The following RPS6KA2 variants were observed in gnomAD, a reference collection of about 807,000 sequenced individuals.
The protein encoded by RPS6KA2 is ribosomal protein S6 kinase alpha-2.
In RPS6KA2, 42 loss-of-function variants were observed where a neutral mutation model predicts 91.8. The ratio of observed to expected loss-of-function variants is 0.46; its 90% CI spans 0.36 to 0.59. The LOEUF (loss-of-function observed/expected upper bound fraction) is 0.59, where lower values mean the gene tolerates loss of function less well. Among genes scored for constraint, RPS6KA2 ranks in the 20% least tolerant of loss-of-function variants. RPS6KA2 has a pLI of 0.00. For synonymous variants in RPS6KA2, 414 were observed against 393.6 expected (o/e 1.05, Z -0.61); for missense variants, 798 against 978.5 (o/e 0.82, Z 2.46).
At chr6:166,789,720 T>C (rs1411027166) in intron 2 of RPS6KA2, among the ~76,000 whole-genome samples, 2 of 152,232 alleles carry the variant, frequency 1.3e-5, no homozygotes, top group Non-Finnish European at 2.9e-5. Flanking sequence ...TCCGCTGTTC[T>C]GCAGCCACCA....
rs1784392495 is a variant in RPS6KA2, at chr6:166,563,161, T to G, written c.100-24377A>C. Among the ~76,000 whole-genome samples, 1 of 152,108 alleles carries G rather than the reference T, an allele frequency of 6.6e-6. No homozygotes were observed. Among genetic ancestry groups the G allele is most frequent in the Non-Finnish European group, 1.5e-5 (1 of 67,994 alleles). On this transcript the variant is annotated intron_variant, in intron 1 of 20. Transcript: ENST00000265678. The surrounding 1 kb of genome is among the most constrained non-coding windows in gnomAD (Gnocchi z 4.1). ...GGGTGGGAGTGGACGAAGTTTATTC[T>G]GGAGACAACAAGGGGTCCTGGTGGC...
chr6:166,716,717 C>T (rs553419660), intron 2 of RPS6KA2, among the ~76,000 whole-genome samples: 18 of 152,164 alleles, frequency 1.2e-4, no homozygotes, highest in Non-Finnish European at 2.2e-4. Flanking sequence ...TTATATACCT[C>T]ACAACCTAAA....
rs1333136151 is a variant in RPS6KA2, at chr6:166,508,115, G to A, written c.459+88C>T. The A allele has an allele frequency of 4.2e-5, 34 of 813,176 alleles. No individual in the cohort carries two copies. The highest frequency in any genetic ancestry group is 2.1e-4 in the Admixed American group (10 of 47,550). The allele number at this position is 813,176 out of a possible 1,614,324, so 50.4% of individuals were successfully genotyped here. A position where few individuals can be genotyped will look rare whatever the true frequency, so the allele number is the denominator to read the frequency against. ...CACACGCACTCTCGCACGTGCTCAC[G>A]TCCTCTCAATGCTCTCCACCCCTCC... On this transcript the variant is annotated intron_variant, in intron 5 of 20. Transcript: ENST00000265678. The surrounding 1 kb of genome is among the most constrained non-coding windows in gnomAD (Gnocchi z 4.3).
At chr6:166,625,320 A>ACCCCCCCCCCCCCCCCCC (rs1474972568) in intron 1 of RPS6KA2, among the ~76,000 whole-genome samples, 1 of 22,624 alleles carries the variant, frequency 4.4e-5, no homozygotes, top group Non-Finnish European at 8.5e-5. Flanking sequence ...TCCTATTCCC[A>ACCCCCCCCCCCCCCCCCC]CCACCCCCCC....
intron 10 of RPS6KA2, among the ~76,000 whole-genome samples, chr6:166,480,103 T>G (rs1328000841): frequency 6.6e-6 from 1 of 152,106 alleles, no homozygotes; most frequent in Non-Finnish European, 1.5e-5. Flanking sequence ...TTGGGTGAGG[T>G]GCATGTGCTT....
chr6:166,454,439 A>G (rs1011871427), intron 12 of RPS6KA2, among the ~76,000 whole-genome samples: 2 of 152,236 alleles, frequency 1.3e-5, no homozygotes, highest in Non-Finnish European at 2.9e-5. Context: ...TGGAGGTTGC[A>G]GTGAGCCAAG....
intron 2 of RPS6KA2, among the ~76,000 whole-genome samples, chr6:166,655,158 T>C (rs1397899267): frequency 1.3e-5 from 2 of 152,228 alleles, no homozygotes; most frequent in East Asian, 3.8e-4. Context: ...TCCAAACTAT[T>C]CAATTTACCT....
chr6:166,673,332 C>T (rs1788529291), intron 2 of RPS6KA2, among the ~76,000 whole-genome samples: 1 of 145,826 alleles, frequency 6.9e-6, no homozygotes, highest in Non-Finnish European at 1.6e-5. Flanking sequence ...GCAGAGCAGT[C>T]TTGTCCCCCC....
At chr6:166,708,996 T>C (rs1462539955) in intron 2 of RPS6KA2, among the ~76,000 whole-genome samples, 3 of 152,188 alleles carry the variant, frequency 2.0e-5, no homozygotes, top group Non-Finnish European at 4.4e-5. Context: ...GTGTTGATAT[T>C]CAAAGTAGAG....
intron 2 of RPS6KA2, among the ~76,000 whole-genome samples, chr6:166,777,328 T>C (rs1254578895): frequency 2.0e-5 from 3 of 151,992 alleles, no homozygotes; most frequent in Non-Finnish European, 4.4e-5. Context: ...TGGCTCAGGG[T>C]GAAGTTTAAT....
chr6:166,862,733 C>T (rs1781083259), upstream of RPS6KA2: 1 of 150,064 alleles, frequency 6.7e-6, no homozygotes, highest in Admixed American at 6.5e-5. Context: ...TCTTTCCCCC[C>T]CACCCCCAGC....
At chr6:166,775,212 C>G (rs936613909) in intron 2 of RPS6KA2, among the ~76,000 whole-genome samples, 1 of 152,012 alleles carries the variant, frequency 6.6e-6, no homozygotes, top group Non-Finnish European at 1.5e-5. Context: ...TTGATAAACA[C>G]CCTGGGCCCT....
At chr6:166,672,760 T>C (rs1788506474) in intron 2 of RPS6KA2, among the ~76,000 whole-genome samples, 1 of 152,198 alleles carries the variant, frequency 6.6e-6, no homozygotes, top group South Asian at 2.1e-4. Flanking sequence ...ATCCCCTGTG[T>C]CCCAGGGAGC....
chr6:166,771,081 C>T (rs529437471), intron 2 of RPS6KA2, among the ~76,000 whole-genome samples: 3 of 152,296 alleles, frequency 2.0e-5, no homozygotes, highest in South Asian at 4.1e-4. Context: ...GTTTCTTTCG[C>T]GTTCAGGAAG....
intron 3 of RPS6KA2, among the ~76,000 whole-genome samples, chr6:166,519,541 T>C (rs1185000905): frequency 1.3e-5 from 2 of 152,188 alleles, no homozygotes. Flanking sequence ...TGCCTACTGG[T>C]ACCAGCTCTA....
intron 2 of RPS6KA2, among the ~76,000 whole-genome samples, chr6:166,833,903 T>G (rs1162139152): frequency 6.6e-6 from 1 of 152,136 alleles, no homozygotes; most frequent in Non-Finnish European, 1.5e-5. Flanking sequence ...CTTTCTTTTT[T>G]TTTCTTTTTT....
intron 2 of RPS6KA2, among the ~76,000 whole-genome samples, chr6:166,709,773 C>T (rs1338942768): frequency 6.6e-6 from 1 of 152,212 alleles, no homozygotes; most frequent in African/African-American, 2.4e-5. Context: ...TGTCCCTTCT[C>T]GTCACCAGGA....
intron 7 of RPS6KA2, among the ~76,000 whole-genome samples, chr6:166,498,971 C>A (rs1241751309): frequency 1.3e-5 from 2 of 152,154 alleles, no homozygotes; most frequent in African/African-American, 4.8e-5. Flanking sequence ...TTTCCACAGG[C>A]ACGTGGAGGT....
intron 2 of RPS6KA2, among the ~76,000 whole-genome samples, chr6:166,813,329 C>T (rs975469003): frequency 1.3e-5 from 2 of 152,200 alleles, no homozygotes; most frequent in Non-Finnish European, 2.9e-5. Context: ...CCATGTGGAG[C>T]TCCCTGGAAG....
Sources: gnomAD v4.1 joint callset for allele counts (sites outside exome capture counted in the v4.1 genomes callset) on GRCh38, gnomAD v4.1.1 for gene constraint, Gnocchi (gnomAD v3.1) non-coding constraint, MANE v1.5 for transcripts, NCBI Gene and HGNC (gene_info 2026-07-23, HGNC 2026-07-21) for gene names.